Variants in ACADL observed in about 807,000 individuals in gnomAD.
The protein encoded by ACADL is acyl-CoA dehydrogenase long chain.
A neutral mutation model predicts 56.9 loss-of-function variants in ACADL; 60 were observed. That is an observed-to-expected ratio of 1.05 (90% CI 0.86 to 1.31). The LOEUF (loss-of-function observed/expected upper bound fraction) is 1.31, where lower values mean the gene tolerates loss of function less well. ACADL is among the 50% of genes most tolerant of loss of function. The pLI is 0.00. For missense variants in ACADL, 484 were observed against 525.5 expected, an observed-to-expected ratio of 0.92 and a Z score of 0.77; for synonymous variants, 158 against 179.7, an observed-to-expected ratio of 0.88 and a Z score of 0.97.
At chr2:210,201,954 A>C (rs1044272422) in intron 8 of ACADL, among the ~76,000 whole-genome samples, 5 of 152,194 alleles carry the variant, frequency 3.3e-5, no homozygotes, top group African/African-American at 1.2e-4. Flanking sequence ...AAGCTGATTG[A>C]TACACAAAAA....
chr2:210,198,885 CAT>C (rs1313432304), intron 8 of ACADL, among the ~76,000 whole-genome samples: 1 of 152,022 alleles, frequency 6.6e-6, no homozygotes, highest in Non-Finnish European at 1.5e-5. Flanking sequence ...ATAAGATCGA[CAT>C]AAACTATGGA....
intron 10 of ACADL, 46 bp downstream of exon 10, chr2:210,192,758 T>C: frequency 6.7e-7 from 1 of 1,487,292 alleles, no homozygotes; most frequent in South Asian, 1.1e-5. Context: ...AAATTTTCCT[T>C]TTTCTTCACA....
chr2:210,222,854 T>C (rs1267594829), intron 1 of ACADL, among the ~76,000 whole-genome samples: 1 of 152,338 alleles, frequency 6.6e-6, no homozygotes, highest in East Asian at 1.9e-4. Flanking sequence ...TTTATCCCTA[T>C]AATGGAAATG....
intron 8 of ACADL, among the ~76,000 whole-genome samples, chr2:210,195,959 C>T (rs1189004988): frequency 6.6e-6 from 1 of 152,120 alleles, no homozygotes; most frequent in African/African-American, 2.4e-5. Flanking sequence ...TTCACATTAT[C>T]CCTTCTGATA....
intron 3 of ACADL, 89 bp downstream of exon 3, chr2:210,217,872 CATTT>C (rs1055307604): frequency 1.8e-5 from 27 of 1,480,316 alleles, no homozygotes; most frequent in East Asian, 9.1e-5. Flanking sequence ...GATTAGAAAA[CATTT>C]GTTTGTTTGT....
intron 5 of ACADL, among the ~76,000 whole-genome samples, chr2:210,206,559 T>C (rs1304056160): frequency 6.6e-6 from 1 of 152,186 alleles, no homozygotes; most frequent in Non-Finnish European, 1.5e-5. Flanking sequence ...GTAATTGATA[T>C]CCTGCTTCCT....
intron 1 of ACADL, among the ~76,000 whole-genome samples, chr2:210,223,955 C>G (rs757446353): frequency 1.3e-5 from 2 of 151,972 alleles, no homozygotes; most frequent in Non-Finnish European, 2.9e-5. Flanking sequence ...TAAGGGAGCC[C>G]TGTTATCAAA....
intron 3 of ACADL, chr2:210,217,421 G>C (rs1245777963): frequency 6.5e-6 from 1 of 154,378 alleles, no homozygotes; most frequent in Non-Finnish European, 1.4e-5. Flanking sequence ...TCAGCACTGG[G>C]TATTAGGATT....
At chr2:210,221,816 C>G (rs1228022986) in intron 1 of ACADL, among the ~76,000 whole-genome samples, 2 of 151,586 alleles carry the variant, frequency 1.3e-5, no homozygotes, top group Non-Finnish European at 2.9e-5. Context: ...GCAACCTTCG[C>G]CTTCCCGGTT....
intron 3 of ACADL, among the ~76,000 whole-genome samples, chr2:210,217,238 C>A (rs1407307134): frequency 6.6e-6 from 1 of 152,160 alleles, no homozygotes; most frequent in African/African-American, 2.4e-5. Flanking sequence ...AACACAGCAT[C>A]TATTTTTCCT....
At chr2:210,192,410 A>C (rs1417539402) in intron 10 of ACADL, among the ~76,000 whole-genome samples, 1 of 152,180 alleles carries the variant, frequency 6.6e-6, no homozygotes, top group Non-Finnish European at 1.5e-5. Context: ...GAATTATTTG[A>C]ACCTGGAAGG....
At chr2:210,216,682 T>C in intron 3 of ACADL, 171 bp from the exon 4 acceptor site, 1 of 631,736 alleles carries the variant, frequency 1.6e-6, no homozygotes, top group East Asian at 3.0e-5. Flanking sequence ...TTTTAAAATT[T>C]CTGGTTCCAA....
intron 4 of ACADL, among the ~76,000 whole-genome samples, chr2:210,213,159 T>C (rs1284796824): frequency 6.6e-6 from 1 of 152,234 alleles, no homozygotes; most frequent in Non-Finnish European, 1.5e-5. Context: ...TCATCATAAG[T>C]ATGTATAAAG....
At chr2:210,213,739 C>T (rs1689027761) in intron 4 of ACADL, among the ~76,000 whole-genome samples, 1 of 152,176 alleles carries the variant, frequency 6.6e-6, no homozygotes, top group Admixed American at 6.5e-5. Context: ...GATCACACAG[C>T]TGGTGTCAGA....
rs1559640708 is a variant in ACADL, at chr2:210,216,487, TG to T, written c.395del (p.Pro132GlnfsTer30). ...CAATACCTGAATGAATACTAAAACCTGGGCCTGAACAATTTGAATAAGCTCT... is the reference window on the plus strand; with the variant it reads ...CAATACCTGAATGAATACTAAAACCTGGCCTGAACAATTTGAATAAGCTCT... Reference protein sequence around the residue: ...EEQAYSNCSGPGFSIHSGIVM... With the variant: ...EEQAYSNCSGXGFSIHSGIVM... On this transcript the variant is annotated frameshift_variant, in exon 4 of 11. Transcript: ENST00000233710. LOFTEE classifies it high-confidence loss of function. The T allele has an allele frequency of 6.2e-7, 1 of 1,613,548 alleles. No homozygotes were observed. Among genetic ancestry groups the T allele is most frequent in the Admixed American group, 1.7e-5 (1 of 59,942 alleles).
At chr2:210,201,883 G>A (rs1688798506) in intron 8 of ACADL, among the ~76,000 whole-genome samples, 1 of 152,032 alleles carries the variant, frequency 6.6e-6, no homozygotes, top group African/African-American at 2.4e-5. Context: ...TCAATCCTAG[G>A]TAAACACAAT....
chr2:210,216,669 T>A, intron 3 of ACADL, 158 bp from the exon 4 acceptor site: 2 of 707,806 alleles, frequency 2.8e-6, no homozygotes, highest in Non-Finnish European at 4.6e-6. Flanking sequence ...TTGTTTTTAC[T>A]AATTTTAAAA....
At chr2:210,213,663 C>T (rs1689026720) in intron 4 of ACADL, among the ~76,000 whole-genome samples, 1 of 152,254 alleles carries the variant, frequency 6.6e-6, no homozygotes, top group East Asian at 1.9e-4. Flanking sequence ...TCACAATAAT[C>T]TTCTTCAGTA....
chr2:210,216,074 A>G (rs1689081438), intron 4 of ACADL, among the ~76,000 whole-genome samples: 1 of 152,226 alleles, frequency 6.6e-6, no homozygotes, highest in African/African-American at 2.4e-5. Context: ...CTTGGCATTT[A>G]CATGTGAATC....
Sources: gnomAD v4.1 joint callset for allele counts (sites outside exome capture counted in the v4.1 genomes callset) on GRCh38, gnomAD v4.1.1 for gene constraint, MANE v1.5 for transcripts, NCBI Gene and HGNC (gene_info 2026-07-23, HGNC 2026-07-21) for gene names.